MAP2K5: variants seen among roughly 807,000 people sequenced by gnomAD.
MAP2K5 encodes the protein mitogen-activated protein kinase kinase 5.
MAP2K5 carries 49 observed loss-of-function variants against 83.1 expected under a neutral mutation model. The ratio of observed to expected loss-of-function variants is 0.59; its 90% CI spans 0.47 to 0.75. The LOEUF (loss-of-function observed/expected upper bound fraction) is 0.75. Among genes scored for constraint, MAP2K5 ranks in the 30% least tolerant of loss-of-function variants. The pLI, the probability that MAP2K5 is intolerant of heterozygous loss-of-function variation, is 0.00. For synonymous variants in MAP2K5, 202 were observed against 191.8 expected (o/e 1.05, Z -0.44); for missense variants, 457 against 557.5 (o/e 0.82, Z 1.82).
intron 21 of MAP2K5, among the ~76,000 whole-genome samples, chr15:67,800,810 T>A: frequency 6.6e-6 from 1 of 152,254 alleles, no homozygotes; most frequent in East Asian, 1.9e-4. Flanking sequence ...GACGTCTTTT[T>A]TCAAATGACC....
At chr15:67,649,899 G>C (rs1364886286) in intron 11 of MAP2K5, among the ~76,000 whole-genome samples, 1 of 152,140 alleles carries the variant, frequency 6.6e-6, no homozygotes, top group Non-Finnish European at 1.5e-5. Flanking sequence ...CTGGGATTTT[G>C]ATAAGAATTG....
At chr15:67,707,650 G>A (rs2088589529) in intron 16 of MAP2K5, among the ~76,000 whole-genome samples, 1 of 152,216 alleles carries the variant, frequency 6.6e-6, no homozygotes, top group Admixed American at 6.5e-5. Context: ...TGAGTCTTCA[G>A]TAGAGATGTT....
intron 6 of MAP2K5, among the ~76,000 whole-genome samples, chr15:67,589,042 A>G (rs2085344266): frequency 6.6e-6 from 1 of 151,786 alleles, no homozygotes; most frequent in African/African-American, 2.4e-5. Context: ...ACGGGGTCTC[A>G]CTGTGCTGCC....
At chr15:67,789,468 C>A (rs2090476905) in intron 21 of MAP2K5, among the ~76,000 whole-genome samples, 1 of 152,162 alleles carries the variant, frequency 6.6e-6, no homozygotes, top group African/African-American at 2.4e-5. Flanking sequence ...CCTGTAATCC[C>A]AGCACTTTGG....
chr15:67,710,062 A>G (rs2088653869), intron 16 of MAP2K5, among the ~76,000 whole-genome samples: 1 of 152,246 alleles, frequency 6.6e-6, no homozygotes, highest in Non-Finnish European at 1.5e-5. Flanking sequence ...GAGTCTTGCT[A>G]GGTTGCCCAG....
intron 9 of MAP2K5, among the ~76,000 whole-genome samples, chr15:67,634,341 C>T (rs1468309892): frequency 1.8e-5 from 2 of 114,256 alleles, no homozygotes; most frequent in Admixed American, 2.5e-4. Flanking sequence ...GCATTCTAGT[C>T]TGGGTGACAG....
Position 67,543,238 on chromosome 15 carries a change from C to T in MAP2K5, c.-98C>T, listed in dbSNP as rs566635506. 109 of 1,266,170 alleles carry T rather than the reference C, an allele frequency of 8.6e-5. No homozygotes were observed. The highest frequency in any genetic ancestry group is 1.2e-4 in the Non-Finnish European group (102 of 876,038). 78.4% of individuals were successfully genotyped at this position (1,266,170 alleles called of 1,614,324 possible). On this transcript the variant is annotated 5_prime_UTR_variant, in exon 1 of 22. Transcript: ENST00000178640. The surrounding 1 kb of genome is among the most constrained non-coding windows in gnomAD (Gnocchi z 4.3). The stretch of plus-strand genomic sequence containing the variant: ...CATTCCCTTGTTTTCACCCTCTGTC[C>T]TCTGCCCGTCACTCCCCTTGTCACC...
rs2241420 is a variant in MAP2K5, at chr15:67,790,478, G to A, written c.1243-16168G>A. ...TGAAATGCTGTCTGAGGGCACTGCC[G>A]TCTTGTCTGTAGGCTGTGCACAAGT... On this transcript the variant is annotated intron_variant, in intron 21 of 21. Coordinates refer to ENST00000178640, the MANE Select transcript of MAP2K5 (RefSeq NM_145160.3). The surrounding 1 kb of genome is among the most constrained non-coding windows in gnomAD (Gnocchi z 4.6). 0.3 allele frequency among the ~76,000 whole-genome samples: 45,294 copies of A among 151,840 alleles called. 7,734 individuals carry two copies. The highest frequency in any genetic ancestry group is 0.59 in the East Asian group (3,050 of 5,146).
rs1459309285 is a variant in MAP2K5 at position 67,630,841 on chromosome 15, G to T, written c.546-47G>T. The T allele has an allele frequency of 2.9e-5, 41 of 1,434,424 alleles. 1 individual carries two copies. The highest frequency in any genetic ancestry group is 3.9e-5 in the Non-Finnish European group (40 of 1,021,948). 88.9% of individuals were successfully genotyped at this position (1,434,424 alleles called of 1,614,324 possible). A position where few individuals can be genotyped will look rare whatever the true frequency, so the allele number is the denominator to read the frequency against. On this transcript the variant is annotated intron_variant, in intron 8 of 21. Transcript: ENST00000178640. The stretch of plus-strand genomic sequence containing the variant: ...CATTTATGTCCTTAACCATTTTGTA[G>T]GTTGTTTAGTGATCCCAAATGATTT...
intron 2 of MAP2K5, among the ~76,000 whole-genome samples, chr15:67,551,674 T>C (rs982742559): frequency 6.6e-6 from 1 of 152,108 alleles, no homozygotes; most frequent in African/African-American, 2.4e-5. Flanking sequence ...AGGGTCTCAC[T>C]CTTTTGCCCA....
At chr15:67,695,465 T>C (rs1214185838) in intron 15 of MAP2K5, among the ~76,000 whole-genome samples, 1 of 152,212 alleles carries the variant, frequency 6.6e-6, no homozygotes, top group Non-Finnish European at 1.5e-5. Context: ...ACCTCTGAAG[T>C]CTTCATATCT....
At chr15:67,787,125 T>TAGAC (rs77664896) in intron 21 of MAP2K5, among the ~76,000 whole-genome samples, 14,452 of 152,256 alleles carry the variant, frequency 0.095, 771 homozygotes, top group Admixed American at 0.11. Flanking sequence ...TGTTCAATGA[T>TAGAC]AGATAGGCAG....
At chr15:67,580,707 A>G in intron 3 of MAP2K5, 47 bp from the exon 4 acceptor site, 5 of 1,154,452 alleles carry the variant, frequency 4.3e-6, no homozygotes, top group Non-Finnish European at 6.5e-6. Context: ...TGTCTGTTCC[A>G]GTATTCATAC....
Position 67,776,532 on chromosome 15 carries a change from A to G in MAP2K5, c.1242+3780A>G, listed in dbSNP as rs539723139. Among the ~76,000 whole-genome samples, 3 of 152,344 alleles carry G rather than the reference A, an allele frequency of 2.0e-5. No homozygotes were observed. In the South Asian group the frequency reaches 6.2e-4, roughly 32 times the overall value. On this transcript the variant is annotated intron_variant, in intron 21 of 21. Coordinates refer to ENST00000178640, the MANE Select transcript of MAP2K5 (RefSeq NM_145160.3). ...GAGACAGCGATAATGCAAAGATGGT[A>G]GAGAAATTTCCCTTAAATGTCAATA...
chr15:67,705,533 G>A (rs1422783870), intron 16 of MAP2K5, among the ~76,000 whole-genome samples: 6 of 152,272 alleles, frequency 3.9e-5, no homozygotes, highest in African/African-American at 9.6e-5. Context: ...TCAGGAGTTC[G>A]AGACAAGCCT....
At chr15:67,611,244 G>T (rs1364381294) in intron 8 of MAP2K5, among the ~76,000 whole-genome samples, 11 of 152,220 alleles carry the variant, frequency 7.2e-5, no homozygotes, top group Middle Eastern at 3.4e-3. Context: ...TATAGCCAAT[G>T]AAACTTTATA....
At chr15:67,697,441 A>G (rs1470187053) in intron 15 of MAP2K5, among the ~76,000 whole-genome samples, 1 of 152,192 alleles carries the variant, frequency 6.6e-6, no homozygotes, top group Non-Finnish European at 1.5e-5. Flanking sequence ...GTCAATCAGA[A>G]CTCAAAATTA....
At chr15:67,614,907 C>T (rs943910169) in intron 8 of MAP2K5, among the ~76,000 whole-genome samples, 1 of 152,118 alleles carries the variant, frequency 6.6e-6, no homozygotes, top group Non-Finnish European at 1.5e-5. Context: ...TTTATGAGCC[C>T]TATGTACAAT....
Position 67,561,128 on chromosome 15 carries a change from A to C in MAP2K5, c.185-2155A>C, listed in dbSNP as rs542489285. On this transcript the variant is annotated intron_variant, in intron 2 of 21. Coordinates refer to ENST00000178640, the MANE Select transcript of MAP2K5 (RefSeq NM_145160.3). The surrounding 1 kb of genome is among the most constrained non-coding windows in gnomAD (Gnocchi z 4.2). ...TTTATTCAGGCTGGAATTTGTTTTT[A>C]TGCCAAGTTCAGAACTTCATAAAGA... 1.8e-4 allele frequency among the ~76,000 whole-genome samples: 27 copies of C among 152,336 alleles called. No individual in the cohort carries two copies. Among genetic ancestry groups the C allele is most frequent in the Middle Eastern group, 3.4e-3 (1 of 294 alleles).
Sources: allele counts gnomAD v4.1 joint callset (sites outside exome capture counted in the v4.1 genomes callset), GRCh38; gene constraint gnomAD v4.1.1; non-coding constraint Gnocchi (gnomAD v3.1); transcripts MANE v1.5; gene names NCBI Gene and HGNC (gene_info 2026-07-23, HGNC 2026-07-21).